The following DAAM2 variants were observed in gnomAD, a reference collection of about 807,000 sequenced individuals.
DAAM2 encodes the protein dishevelled associated activator of morphogenesis 2.
Under a neutral mutation model 120.7 loss-of-function variants are expected in DAAM2, and 39 were observed. The ratio of observed to expected loss-of-function variants is 0.32; its 90% CI spans 0.25 to 0.42. The LOEUF is 0.42. Ranked by LOEUF, DAAM2 falls within the 10% of genes least tolerant of loss-of-function variation. DAAM2 has a pLI of 1.00. For synonymous variants in DAAM2, 488 were observed against 524.9 expected, an observed-to-expected ratio of 0.93 and a Z score of 0.96; for missense variants, 1,283 against 1,401.7, an observed-to-expected ratio of 0.92 and a Z score of 1.35.
intron 1 of DAAM2, among the ~76,000 whole-genome samples, chr6:39,817,764 G>T (rs897902920): frequency 4.6e-5 from 7 of 152,104 alleles, no homozygotes; most frequent in Non-Finnish European, 1.0e-4. Flanking sequence ...CCTTCATTGG[G>T]GGACCTCGGT....
chr6:39,849,610 C>T (rs1763731085), intron 1 of DAAM2, among the ~76,000 whole-genome samples: 2 of 152,200 alleles, frequency 1.3e-5, no homozygotes, highest in Admixed American at 1.3e-4. Flanking sequence ...TTGATGGCAA[C>T]TGAACAGAAT....
intron 11 of DAAM2, among the ~76,000 whole-genome samples, chr6:39,877,149 C>T (rs192709525): frequency 7.2e-5 from 11 of 152,290 alleles, no homozygotes; most frequent in South Asian, 2.1e-4. Flanking sequence ...TCCCACTTTT[C>T]GCTCAGGTGG....
chr6:39,824,406 C>T (rs1438208640), intron 1 of DAAM2, among the ~76,000 whole-genome samples: 1 of 152,188 alleles, frequency 6.6e-6, no homozygotes, highest in Non-Finnish European at 1.5e-5. Flanking sequence ...GGCCCTGTAA[C>T]CTGAACCTGC....
intron 1 of DAAM2, among the ~76,000 whole-genome samples, chr6:39,810,244 C>G (rs1762123162): frequency 6.6e-6 from 1 of 152,158 alleles, no homozygotes; most frequent in African/African-American, 2.4e-5. Flanking sequence ...GGGACCCATT[C>G]ATAGGAAGAA....
chr6:39,891,976 G>C (rs139281155), intron 19 of DAAM2, among the ~76,000 whole-genome samples: 2 of 152,334 alleles, frequency 1.3e-5, no homozygotes, highest in African/African-American at 4.8e-5. Context: ...TGGGGCGTCT[G>C]TTGACATCTG....
rs1054596395 is a variant in DAAM2 at position 39,871,436 on chromosome 6, G to C, written c.978-70G>C. On this transcript the variant is annotated intron_variant, in intron 8 of 24. Coordinates refer to ENST00000274867, the MANE Select transcript of DAAM2 (RefSeq NM_001201427.2). ...TTTAGCCAGTGGGGGGCTCGAAGGG[G>C]CTGTAACCCTCAACCAAGGGTGTGT... is the stretch of plus-strand genomic sequence containing the variant. 2.8e-6 allele frequency: 4 copies of C among 1,405,690 alleles called. No individual in the cohort carries two copies. In the Admixed American group the frequency reaches 7.9e-5, roughly 28 times the overall value. 87.1% of individuals were successfully genotyped at this position (1,405,690 alleles called of 1,614,324 possible).
intron 8 of DAAM2, among the ~76,000 whole-genome samples, chr6:39,870,798 A>C (rs1040984741): frequency 6.6e-6 from 1 of 152,236 alleles, no homozygotes; most frequent in Admixed American, 6.5e-5. Flanking sequence ...AATGTCCCGC[A>C]GTACCTTCCT....
In DAAM2 at chr6:39,901,765, C is replaced by G; in HGVS notation, c.2983-48C>G. 1 of 1,461,294 alleles carries G rather than the reference C, an allele frequency of 6.8e-7. No homozygotes were observed. The highest frequency in any genetic ancestry group is 9.0e-7 in the Non-Finnish European group (1 of 1,106,114). 90.5% of individuals were successfully genotyped at this position (1,461,294 alleles called of 1,614,324 possible). A position where few individuals can be genotyped will look rare whatever the true frequency, so the allele number is the denominator to read the frequency against. On this transcript the variant is annotated intron_variant, in intron 24 of 24. Transcript: ENST00000274867. This position sits in a 1 kb window ranked among gnomAD's most constrained non-coding sequence, Gnocchi z 4.5. ...CAGGGTTGGGGGGCTGCCCTGGCCT[C>G]AGCGCCTCTCCCTGAGAGGGTTCCT... is the stretch of plus-strand genomic sequence containing the variant.
At chr6:39,886,497 G>C (rs910085990) in intron 15 of DAAM2, 4 of 399,186 alleles carry the variant, frequency 1.0e-5, no homozygotes, top group African/African-American at 8.2e-5. Context: ...CTGCTGTCCC[G>C]GGCTGCTGCT....
chr6:39,830,117 C>T (rs1762823019), intron 1 of DAAM2, among the ~76,000 whole-genome samples: 1 of 152,194 alleles, frequency 6.6e-6, no homozygotes, highest in Non-Finnish European at 1.5e-5. Context: ...TTCACTGCCG[C>T]ATCCTACAGT....
intron 1 of DAAM2, among the ~76,000 whole-genome samples, chr6:39,816,581 G>A (rs1344915067): frequency 6.6e-6 from 1 of 152,178 alleles, no homozygotes; most frequent in Non-Finnish European, 1.5e-5. Flanking sequence ...TTTGAGAGCT[G>A]CTGGTCTCAG....
intron 1 of DAAM2, among the ~76,000 whole-genome samples, chr6:39,835,000 CCACACCA>C (rs1363232185): frequency 6.6e-6 from 1 of 152,192 alleles, no homozygotes; most frequent in Non-Finnish European, 1.5e-5. Context: ...CTCTCTCCAC[CCACACCA>C]CAATGCCTTA....
intron 21 of DAAM2, among the ~76,000 whole-genome samples, chr6:39,897,601 C>G (rs1454711195): frequency 6.6e-6 from 1 of 152,158 alleles, no homozygotes; most frequent in African/African-American, 2.4e-5. Context: ...GGGAGACTTA[C>G]ACGATTATTC....
rs571314763 is a variant in DAAM2 at position 39,831,697 on chromosome 6, G to T, written c.-56-24550G>T. On this transcript the variant is annotated intron_variant, in intron 1 of 24. Coordinates refer to ENST00000274867, the MANE Select transcript of DAAM2 (RefSeq NM_001201427.2). ...CCTGAACAGTCCAGGTCTGTGGCCT[G>T]GGGGGTAGGCACGCTGAGGGACAGG... Among the ~76,000 whole-genome samples, 266 of 61,746 alleles carry T rather than the reference G, an allele frequency of 4.3e-3. 6 individuals carry two copies. In the Admixed American group the frequency reaches 0.06, roughly 14 times the overall value. 40.5% of individuals were successfully genotyped at this position (61,746 alleles called of 152,430 possible). A position where few individuals can be genotyped will look rare whatever the true frequency, so the allele number is the denominator to read the frequency against.
intron 1 of DAAM2, among the ~76,000 whole-genome samples, chr6:39,799,769 A>G (rs1051494173): frequency 2.0e-5 from 3 of 152,222 alleles, no homozygotes; most frequent in African/African-American, 2.4e-5. Context: ...AAGCAAGTGA[A>G]TTAATATCAT....
At chr6:39,870,244 T>G (rs1385094364) in intron 7 of DAAM2, 96 bp from the exon 8 acceptor site, 3 of 726,582 alleles carry the variant, frequency 4.1e-6, no homozygotes, top group East Asian at 5.4e-5. Context: ...GGAGATGTGT[T>G]GGGTCTGTGG....
chr6:39,896,438 A>C (rs921193198), intron 19 of DAAM2, among the ~76,000 whole-genome samples: 29 of 152,116 alleles, frequency 1.9e-4, no homozygotes, highest in African/African-American at 7.0e-4. Context: ...TCCTGACTCA[A>C]GTGATCTCCC....
At chr6:39,877,200 A>AG (rs1260870512) in intron 11 of DAAM2, among the ~76,000 whole-genome samples, 1 of 152,186 alleles carries the variant, frequency 6.6e-6, no homozygotes, top group Admixed American at 6.5e-5. Context: ...ACTGCACCCC[A>AG]GTTCCTCCAT....
chr6:39,824,937 A>G (rs1432614381), intron 1 of DAAM2, among the ~76,000 whole-genome samples: 1 of 152,156 alleles, frequency 6.6e-6, no homozygotes, highest in African/African-American at 2.4e-5. Flanking sequence ...TCCTCTCCAG[A>G]GCCAGGTTAT....
Sources: allele counts gnomAD v4.1 joint callset (sites outside exome capture counted in the v4.1 genomes callset), GRCh38; gene constraint gnomAD v4.1.1; non-coding constraint Gnocchi (gnomAD v3.1); transcripts MANE v1.5; gene names NCBI Gene and HGNC (gene_info 2026-07-23, HGNC 2026-07-21).